The following AMMECR1 variants were observed in gnomAD, a reference collection of about 807,000 sequenced individuals.
AMMECR1 encodes the protein AMMECR nuclear protein 1.
AMMECR1 carries 3 observed loss-of-function variants against 22.5 expected under a neutral mutation model. The ratio of observed to expected loss-of-function variants is 0.13; its 90% CI spans 0.06 to 0.35. The LOEUF is 0.35. AMMECR1 is among the 10% of genes least tolerant of loss of function. The pLI, the probability that AMMECR1 is intolerant of heterozygous loss-of-function variation, is 1.00. For missense variants in AMMECR1, 235 were observed against 278.7 expected, an observed-to-expected ratio of 0.84 and a Z score of 1.12; for synonymous variants, 130 against 116.7, an observed-to-expected ratio of 1.11 and a Z score of -0.74.
intron 2 of AMMECR1, among the ~76,000 whole-genome samples, chrX:110,420,707 G>T (rs751613146): frequency 8.9e-6 from 1 of 112,145 alleles, no homozygotes; most frequent in South Asian, 3.8e-4. Flanking sequence ...AAACCGGCTG[G>T]TTTTTTAAAC....
chrX:110,407,937 C>T (rs898536426), intron 2 of AMMECR1, among the ~76,000 whole-genome samples: 16 of 112,477 alleles, frequency 1.4e-4, no homozygotes, highest in Admixed American at 5.6e-4. Flanking sequence ...TGACTATCAA[C>T]GGCCTGGGTC....
chrX:110,200,919 C>T (rs769460606), intron 5 of AMMECR1, 35 bp downstream of exon 5: 1 of 1,031,020 alleles, frequency 9.7e-7, no homozygotes, highest in South Asian at 1.9e-5. Flanking sequence ...TCAAAATGTA[C>T]AGGTTAGCCT....
intron 2 of AMMECR1, among the ~76,000 whole-genome samples, chrX:110,354,861 G>T (rs983246089): frequency 9.0e-6 from 1 of 111,672 alleles, no homozygotes; most frequent in African/African-American, 3.3e-5. Flanking sequence ...TTGAACATAC[G>T]ACCTGAAACT....
intron 1 of AMMECR1, among the ~76,000 whole-genome samples, chrX:110,436,144 G>A (rs1431758718): frequency 8.9e-6 from 1 of 112,585 alleles, no homozygotes; most frequent in Non-Finnish European, 1.9e-5. Flanking sequence ...CTGGAGTTTA[G>A]ATAAGTGAAA....
At chrX:110,243,136 TG>T (rs764537170) in intron 2 of AMMECR1, among the ~76,000 whole-genome samples, 2 of 112,257 alleles carry the variant, frequency 1.8e-5, no homozygotes, top group South Asian at 7.4e-4. Flanking sequence ...TGCTCAAAAC[TG>T]AGTGATCCCA....
chrX:110,392,327 G>A (rs2209182), intron 2 of AMMECR1, among the ~76,000 whole-genome samples: 1,252 of 95,883 alleles, frequency 0.013, 17 homozygotes, highest in Middle Eastern at 0.039. Context: ...CCCAGTCTGT[G>A]TGCAATGGTG....
chrX:110,346,983 C>A, intron 2 of AMMECR1: 1 of 496,784 alleles, frequency 2.0e-6, no homozygotes, highest in Non-Finnish European at 3.7e-6. Context: ...CGCTAAATAT[C>A]ATTTTTAAGA....
At chrX:110,400,831 G>C (rs1385455455) in intron 2 of AMMECR1, among the ~76,000 whole-genome samples, 1 of 111,541 alleles carries the variant, frequency 9.0e-6, no homozygotes, top group African/African-American at 3.3e-5. Flanking sequence ...TTATGTCTGA[G>C]TCTCTAGGGA....
intron 2 of AMMECR1, among the ~76,000 whole-genome samples, chrX:110,217,578 CTGAT>C (rs909626318): frequency 9.1e-6 from 1 of 109,704 alleles, no homozygotes; most frequent in Admixed American, 9.7e-5. Context: ...AAACCACTTC[CTGAT>C]TAAGAAAAAC....
intron 2 of AMMECR1, among the ~76,000 whole-genome samples, chrX:110,361,903 A>G (rs73636956): frequency 0.037 from 4,130 of 111,867 alleles, 184 homozygotes; most frequent in African/African-American, 0.13. Flanking sequence ...AAAAGCTGCC[A>G]TAGATGAGCA....
chrX:110,346,519 C>G (rs2068189665), intron 2 of AMMECR1, among the ~76,000 whole-genome samples: 1 of 112,089 alleles, frequency 8.9e-6, no homozygotes, highest in South Asian at 3.7e-4. Flanking sequence ...AACAATTACC[C>G]TTGTGAAGTA....
chrX:110,396,983 T>C (rs2068532858), intron 2 of AMMECR1, among the ~76,000 whole-genome samples: 1 of 111,757 alleles, frequency 8.9e-6, no homozygotes, highest in African/African-American at 3.3e-5. Flanking sequence ...TTTTCTCTTC[T>C]TTTTTTCCAT....
rs193055459 is a variant in AMMECR1, at chrX:110,248,921, A to G, written c.584+15568T>C. 7.6e-4 allele frequency among the ~76,000 whole-genome samples: 86 copies of G among 112,498 alleles called. 1 individual carries two copies. The highest frequency in any genetic ancestry group is 9.4e-5 in the Non-Finnish European group (5 of 53,326). On this transcript the variant is annotated intron_variant, in intron 2 of 5. Transcript: ENST00000262844. ...TATTAAGTGCAAATGTTGTACAGAA[A>G]GAGATCAATCACTTCTTGGCCTTTT...
intron 2 of AMMECR1, among the ~76,000 whole-genome samples, chrX:110,342,861 A>G (rs1045702791): frequency 1.3e-4 from 14 of 111,544 alleles, no homozygotes. Flanking sequence ...ACTTGAACCA[A>G]CCAAAAAAAG....
At chrX:110,373,467 A>G (rs1602941397) in intron 2 of AMMECR1, among the ~76,000 whole-genome samples, 2 of 111,946 alleles carry the variant, frequency 1.8e-5, no homozygotes, top group South Asian at 3.7e-4. Flanking sequence ...ACCCACCTCC[A>G]TAACTCAGAG....
At chrX:110,227,566 C>T (rs754444589) in intron 2 of AMMECR1, among the ~76,000 whole-genome samples, 2 of 112,155 alleles carry the variant, frequency 1.8e-5, no homozygotes, top group East Asian at 2.8e-4. Context: ...TCTTCCTTTT[C>T]CCCACCTTTT....
rs1375695286 is a variant in AMMECR1 at position 110,195,814 on chromosome X, G to A, written c.*2706C>T. ...TTAACAGCTTTGTATATACGACAAA[G>A]GTGAAAGGGTCTAGCATTTGTTTGA... On this transcript the variant is annotated 3_prime_UTR_variant, in exon 6 of 6. Transcript: ENST00000262844. 1 of 112,072 alleles carries A rather than the reference G, an allele frequency of 8.9e-6. No homozygotes were observed. The highest frequency in any genetic ancestry group is 2.8e-4 in the East Asian group (1 of 3,586). The allele number at this position is 112,072 out of a possible 1,213,427, so 9.2% of individuals were successfully genotyped here. A position where few individuals can be genotyped will look rare whatever the true frequency, so the allele number is the denominator to read the frequency against.
At chrX:110,308,522 C>A (rs182223267) in intron 1 of AMMECR1, among the ~76,000 whole-genome samples, 1 of 111,451 alleles carries the variant, frequency 9.0e-6, no homozygotes, top group African/African-American at 3.3e-5. Flanking sequence ...ATATCACCCA[C>A]CTCATTAGTG....
intron 2 of AMMECR1, among the ~76,000 whole-genome samples, chrX:110,354,024 C>T (rs2068220838): frequency 8.9e-6 from 1 of 112,121 alleles, no homozygotes; most frequent in African/African-American, 3.2e-5. Context: ...GAAGAAAACA[C>T]AAATATATGG....
Sources: allele counts gnomAD v4.1 joint callset (sites outside exome capture counted in the v4.1 genomes callset), GRCh38; gene constraint gnomAD v4.1.1; transcripts MANE v1.5; gene names NCBI Gene and HGNC (gene_info 2026-07-23, HGNC 2026-07-21).